The following DMD variants were observed in gnomAD, a reference collection of about 807,000 sequenced individuals.
DMD encodes mutant dystrophin.
DMD carries 63 observed loss-of-function variants against 330.1 expected under a neutral mutation model. The ratio of observed to expected loss-of-function variants is 0.19; its 90% CI spans 0.16 to 0.24. DMD has a LOEUF of 0.24. DMD is among the 10% of genes least tolerant of loss of function. The probability of loss-of-function intolerance (pLI) is 1.00; values close to 1 mark genes in which losing one functional copy is unlikely to be tolerated. For synonymous variants in DMD, 1,223 were observed against 959.8 expected, an observed-to-expected ratio of 1.27 and a Z score of -5.07; for missense variants, 3,344 against 2,684.1, an observed-to-expected ratio of 1.25 and a Z score of -5.43.
intron 7 of DMD, among the ~76,000 whole-genome samples, chrX:32,713,590 C>T (rs1470897723): frequency 4.5e-5 from 5 of 111,796 alleles, no homozygotes; most frequent in African/African-American, 1.6e-4. Context: ...ACTATTGCTC[C>T]TCTCTAGATT....
chrX:32,889,881 G>A (rs1233171875), intron 2 of DMD, among the ~76,000 whole-genome samples: 3 of 111,125 alleles, frequency 2.7e-5, no homozygotes, highest in Non-Finnish European at 3.8e-5. Flanking sequence ...TCACTCGGAG[G>A]GGCGTGACAA....
intron 2 of DMD, among the ~76,000 whole-genome samples, chrX:32,927,770 T>C (rs181181396): frequency 4.5e-4 from 50 of 111,501 alleles, no homozygotes; most frequent in Admixed American, 4.4e-3. Flanking sequence ...GGAACATTTA[T>C]ATCCCTAATA....
At chrX:33,192,139 T>C (rs1436779667) in intron 1 of DMD, among the ~76,000 whole-genome samples, 1 of 112,137 alleles carries the variant, frequency 8.9e-6, no homozygotes, top group East Asian at 2.8e-4. Context: ...TTCATCAAAA[T>C]ACTCGTGTTG....
chrX:32,396,044 TG>T (rs1360844289), intron 30 of DMD, among the ~76,000 whole-genome samples: 5 of 111,333 alleles, frequency 4.5e-5, no homozygotes, highest in African/African-American at 1.6e-4. Context: ...CAGGCCTTCC[TG>T]ATAAGTTCCA....
chrX:32,651,793 C>A (rs67074675), intron 9 of DMD, among the ~76,000 whole-genome samples: 10,732 of 111,806 alleles, frequency 0.096, 1,241 homozygotes, highest in African/African-American at 0.33. Flanking sequence ...AAATTTAAAA[C>A]ATAATTTTAA....
intron 2 of DMD, among the ~76,000 whole-genome samples, chrX:32,905,891 C>T (rs2086685518): frequency 9.0e-6 from 1 of 111,291 alleles, no homozygotes; most frequent in African/African-American, 3.3e-5. Flanking sequence ...TCTCTCCGGA[C>T]ATGGTGAAAT....
rs368779939 is a variant in DMD, at chrX:31,691,863, C to T, written c.7661-12277G>A. ...GGCAATTTCAATATTCCACTTTAAG[C>T]AATAGACAGAAAAATTCATAAGAAA... On this transcript the variant is annotated intron_variant, in intron 52 of 78. Transcript: ENST00000357033. Among the ~76,000 whole-genome samples, 105 of 111,576 alleles carry T rather than the reference C, an allele frequency of 9.4e-4. 1 individual carries two copies. The highest frequency in any genetic ancestry group is 3.1e-3 in the African/African-American group (97 of 30,809).
At chrX:31,887,636 C>T (rs67014487) in intron 47 of DMD, among the ~76,000 whole-genome samples, 30,052 of 110,941 alleles carry the variant, frequency 0.27, 3,040 homozygotes, top group Non-Finnish European at 0.29. Flanking sequence ...TTGCTTAATC[C>T]CTCTGGAAGG....
intron 44 of DMD, among the ~76,000 whole-genome samples, chrX:32,162,310 G>T (rs1019329713): frequency 9.0e-6 from 1 of 111,272 alleles, no homozygotes; most frequent in African/African-American, 3.3e-5. Flanking sequence ...ATTTCTCGGG[G>T]TGAATCAGTA....
At chrX:32,991,462 C>T (rs754295749) in intron 2 of DMD, among the ~76,000 whole-genome samples, 1 of 111,941 alleles carries the variant, frequency 8.9e-6, no homozygotes, top group African/African-American at 3.2e-5. Context: ...CTACATAACA[C>T]GATGGCCACT....
intron 59 of DMD, among the ~76,000 whole-genome samples, chrX:31,474,706 C>CAAAAAAAAAA (rs779735826): frequency 4.7e-5 from 3 of 64,026 alleles, no homozygotes; most frequent in African/African-American, 2.0e-4. Flanking sequence ...GAGACTGTCG[C>CAAAAAAAAAA]AAAAAAAAAA....
At chrX:31,862,098 A>G (rs772345362) in intron 48 of DMD, among the ~76,000 whole-genome samples, 1 of 110,526 alleles carries the variant, frequency 9.0e-6, no homozygotes, top group South Asian at 3.9e-4. Context: ...TGAATTTTGT[A>G]CTGGAAGAAA....
chrX:31,558,342 T>G (rs948358834), intron 55 of DMD, among the ~76,000 whole-genome samples: 2 of 111,329 alleles, frequency 1.8e-5, no homozygotes, highest in African/African-American at 6.5e-5. Flanking sequence ...TGAATATGTG[T>G]GTATATGTGT....
chrX:31,822,448 T>C (rs1479471116), intron 49 of DMD, among the ~76,000 whole-genome samples: 1 of 112,070 alleles, frequency 8.9e-6, no homozygotes, highest in Non-Finnish European at 1.9e-5. Flanking sequence ...GACCTTGTAA[T>C]GTGGGACTAT....
chrX:32,523,068 C>T (rs1283800292), intron 17 of DMD, among the ~76,000 whole-genome samples: 9 of 111,987 alleles, frequency 8.0e-5, no homozygotes, highest in Non-Finnish European at 1.7e-4. Flanking sequence ...GGCATGACAG[C>T]TGAAAGAAAT....
intron 77 of DMD, among the ~76,000 whole-genome samples, chrX:31,131,247 T>G (rs1188394911): frequency 8.9e-6 from 1 of 112,407 alleles, no homozygotes; most frequent in Non-Finnish European, 1.9e-5. Flanking sequence ...GATTAGTATT[T>G]TTAAACCACT....
intron 52 of DMD, among the ~76,000 whole-genome samples, chrX:31,680,842 A>T (rs2082341320): frequency 8.9e-6 from 1 of 111,769 alleles, no homozygotes; most frequent in South Asian, 3.7e-4. Flanking sequence ...GGACTACATT[A>T]TTTTTTCTAT....
At chrX:32,694,331 C>A (rs1016943316) in intron 9 of DMD, among the ~76,000 whole-genome samples, 1 of 111,699 alleles carries the variant, frequency 9.0e-6, no homozygotes, top group African/African-American at 3.3e-5. Flanking sequence ...CCCTTCTTTA[C>A]ATGCATTCAT....
intron 4 of DMD, among the ~76,000 whole-genome samples, chrX:32,843,401 T>C (rs1445192508): frequency 8.9e-6 from 1 of 112,005 alleles, no homozygotes; most frequent in Non-Finnish European, 1.9e-5. Context: ...GCTCATAGAT[T>C]ATTCTGGCTG....
Sources: allele counts gnomAD v4.1 joint callset (sites outside exome capture counted in the v4.1 genomes callset), GRCh38; gene constraint gnomAD v4.1.1; transcripts MANE v1.5; gene names NCBI Gene and HGNC (gene_info 2026-07-23, HGNC 2026-07-21).